Variants in CRTAC1 observed in about 807,000 individuals in gnomAD.
CRTAC1 encodes acidic secreted protein in cartilage.
Under a neutral mutation model 67.8 loss-of-function variants are expected in CRTAC1, and 37 were observed. That is an observed-to-expected ratio of 0.55 (90% CI 0.42 to 0.72). CRTAC1 has a LOEUF of 0.72. CRTAC1 is among the 30% of genes least tolerant of loss of function. CRTAC1 has a pLI of 0.00. For synonymous variants in CRTAC1, 348 were observed against 371.0 expected (o/e 0.94, Z 0.71); for missense variants, 780 against 931.6 (o/e 0.84, Z 2.12).
chr10:97,921,675 A>G (rs1019500269), intron 4 of CRTAC1, among the ~76,000 whole-genome samples: 1 of 152,086 alleles, frequency 6.6e-6, no homozygotes, highest in Non-Finnish European at 1.5e-5. Context: ...CTCTCTGTCA[A>G]CTTCCAGGCT....
At chr10:98,027,018 T>C (rs996030515) in intron 1 of CRTAC1, among the ~76,000 whole-genome samples, 9 of 151,974 alleles carry the variant, frequency 5.9e-5, no homozygotes, top group African/African-American at 2.2e-4. Context: ...ATACAAAAAG[T>C]TAGCCGGGCG....
intron 14 of CRTAC1, among the ~76,000 whole-genome samples, chr10:97,877,135 A>G (rs1243617470): frequency 6.6e-6 from 1 of 152,092 alleles, no homozygotes; most frequent in African/African-American, 2.4e-5. Flanking sequence ...AGTGCTTGTC[A>G]TACAGGATAT....
At chr10:97,927,185 G>T (rs1180278149) in intron 3 of CRTAC1, among the ~76,000 whole-genome samples, 1 of 152,126 alleles carries the variant, frequency 6.6e-6, no homozygotes, top group Non-Finnish European at 1.5e-5. Flanking sequence ...GTCCCCCTCT[G>T]TTTGCCTTCT....
intron 2 of CRTAC1, among the ~76,000 whole-genome samples, chr10:97,945,156 T>G (rs907195117): frequency 1.3e-5 from 2 of 152,212 alleles, no homozygotes; most frequent in Non-Finnish European, 2.9e-5. Flanking sequence ...CATAAATCAG[T>G]GGAATTCTCT....
Position 98,020,210 on chromosome 10 carries a change from T to A in CRTAC1, c.25-8873A>T, listed in dbSNP as rs187419413. 2.9e-3 allele frequency among the ~76,000 whole-genome samples: 436 copies of A among 152,268 alleles called. 3 individuals carry two copies. The highest frequency in any genetic ancestry group is 6.8e-3 in the Middle Eastern group (2 of 294). ...TAAATCTCAGAGTGGGTCGTGTGGA[T>A]CTTCATATGGACTCTGGACACCAGA... On this transcript the variant is annotated intron_variant, in intron 1 of 14. Transcript: ENST00000370597.
chr10:97,893,341 G>A (rs973632879), intron 11 of CRTAC1, among the ~76,000 whole-genome samples: 8 of 151,990 alleles, frequency 5.3e-5, no homozygotes, highest in African/African-American at 1.9e-4. Context: ...ATATTAAAAT[G>A]GTATCATCTC....
At chr10:97,986,293 A>C (rs760971224) in intron 2 of CRTAC1, among the ~76,000 whole-genome samples, 9 of 152,198 alleles carry the variant, frequency 5.9e-5, no homozygotes, top group Non-Finnish European at 8.8e-5. Context: ...TCAATTCCCT[A>C]GCCTGTGAAA....
chr10:97,999,514 C>G (rs919175223), intron 2 of CRTAC1, among the ~76,000 whole-genome samples: 5 of 152,226 alleles, frequency 3.3e-5, no homozygotes, highest in Admixed American at 1.3e-4. Flanking sequence ...GAAGGGAAGC[C>G]AAAGGGGTGC....
chr10:97,923,501 C>A, intron 3 of CRTAC1, 101 bp from the exon 4 acceptor site: 1 of 1,467,302 alleles, frequency 6.8e-7, no homozygotes, highest in Non-Finnish European at 9.4e-7. Context: ...GTGGTTGGGA[C>A]CAGAGGAGGT....
intron 12 of CRTAC1, 35 bp downstream of exon 12, chr10:97,884,170 CT>C (rs1455084875): frequency 6.5e-7 from 1 of 1,546,062 alleles, no homozygotes; most frequent in Non-Finnish European, 8.8e-7. Context: ...GTGGTGCCCG[CT>C]TTTCTGGCTA....
Position 97,882,651 on chromosome 10 carries a change from C to A in CRTAC1, c.1675+135G>T, listed in dbSNP as rs573632287. ...GTGGTTGTCTTGGCATCTGGAGTCC[C>A]AGGACAAACAACACCCTCCCCTGTC... On this transcript the variant is annotated intron_variant, in intron 13 of 14. Coordinates refer to ENST00000370597, the MANE Select transcript of CRTAC1 (RefSeq NM_018058.7). The A allele has an allele frequency of 3.5e-4, 303 of 871,820 alleles. 3 individuals are homozygous for A. Among genetic ancestry groups the A allele is most frequent in the African/African-American group, 3.3e-3 (199 of 60,378 alleles). 54.0% of individuals were successfully genotyped at this position (871,820 alleles called of 1,614,324 possible). A position where few individuals can be genotyped will look rare whatever the true frequency, so the allele number is the denominator to read the frequency against.
chr10:97,974,460 G>T (rs1228984296), intron 2 of CRTAC1, among the ~76,000 whole-genome samples: 1 of 152,216 alleles, frequency 6.6e-6, no homozygotes, highest in Non-Finnish European at 1.5e-5. Context: ...AGACAACACC[G>T]CGTAGAGCGT....
In CRTAC1 at chr10:97,995,729, T is replaced by G. The variant is rs567594552; in HGVS notation, c.224+15409A>C. On this transcript the variant is annotated intron_variant, in intron 2 of 14. Coordinates refer to ENST00000370597, the MANE Select transcript of CRTAC1 (RefSeq NM_018058.7). ...GAGGGACTCTGAGTACCATAAAGAGTATTACTAATCCTTGAACTGGTGGCA... is the reference window on the plus strand; with the variant it reads ...GAGGGACTCTGAGTACCATAAAGAGGATTACTAATCCTTGAACTGGTGGCA... Among the ~76,000 whole-genome samples, 25 of 151,816 alleles carry G rather than the reference T, an allele frequency of 1.6e-4. No homozygotes were observed. The South Asian group carries it at 5.0e-3, about 30-fold the overall frequency.
chr10:97,973,927 TG>T (rs965229846), intron 2 of CRTAC1, among the ~76,000 whole-genome samples: 17 of 131,524 alleles, frequency 1.3e-4, no homozygotes, highest in African/African-American at 4.4e-4. Context: ...GCACACAGCC[TG>T]GGGAGACAGC....
At chr10:97,888,696 A>G (rs2050321317) in intron 11 of CRTAC1, among the ~76,000 whole-genome samples, 3 of 152,082 alleles carry the variant, frequency 2.0e-5, no homozygotes, top group Admixed American at 2.0e-4. Flanking sequence ...CCGGGGCTGC[A>G]CGGGCTGAGG....
chr10:97,891,986 G>A (rs2050381429), intron 11 of CRTAC1, among the ~76,000 whole-genome samples: 1 of 152,228 alleles, frequency 6.6e-6, no homozygotes, highest in Non-Finnish European at 1.5e-5. Context: ...TCTGCCGGGA[G>A]GCCCCTTAGA....
intron 1 of CRTAC1, among the ~76,000 whole-genome samples, chr10:98,019,322 C>T (rs1843070316): frequency 6.6e-6 from 1 of 152,202 alleles, no homozygotes. Context: ...TGTTTCCAGC[C>T]AAAGGCCCTT....
intron 2 of CRTAC1, among the ~76,000 whole-genome samples, chr10:97,964,641 G>A (rs1326351018): frequency 2.6e-5 from 4 of 152,170 alleles, no homozygotes; most frequent in African/African-American, 4.8e-5. Flanking sequence ...AAGGCTTGCC[G>A]ACCACACAGT....
At chr10:97,983,108 G>A (rs573455011) in intron 2 of CRTAC1, among the ~76,000 whole-genome samples, 43 of 152,318 alleles carry the variant, frequency 2.8e-4, no homozygotes, top group African/African-American at 9.9e-4. Context: ...CACCAAACAA[G>A]TATGAAACAT....
Sources: allele counts gnomAD v4.1 joint callset (sites outside exome capture counted in the v4.1 genomes callset), GRCh38; gene constraint gnomAD v4.1.1; transcripts MANE v1.5; gene names NCBI Gene and HGNC (gene_info 2026-07-23, HGNC 2026-07-21).